The following KIAA0586 variants were observed in gnomAD, a reference collection of about 807,000 sequenced individuals.
The protein encoded by KIAA0586 is KIAA0586, also known as protein TALPID3.
Under a neutral mutation model 169.8 loss-of-function variants are expected in KIAA0586, and 144 were observed. That is an observed-to-expected ratio of 0.85 (90% CI 0.74 to 0.97). The LOEUF is 0.97. KIAA0586 is among the 50% of genes least tolerant of loss of function. KIAA0586 has a pLI of 0.00. For missense variants in KIAA0586, 1,854 were observed against 1,823.0 expected (o/e 1.02, Z -0.31); for synonymous variants, 625 against 612.4 (o/e 1.02, Z -0.30).
intron 29 of KIAA0586, among the ~76,000 whole-genome samples, chr14:58,533,466 C>A (rs1416565363): frequency 6.6e-6 from 1 of 152,164 alleles, no homozygotes; most frequent in African/African-American, 2.4e-5. Flanking sequence ...ATGGCTGTTT[C>A]TTGTTTGCAT....
rs184363834 is a variant in KIAA0586, at chr14:58,508,737, A to C, written c.4323+28A>C. On this transcript the variant is annotated intron_variant, in intron 28 of 30. Transcript: ENST00000652326. ...ACCAAATTAATAGCACTTGTATTTT[A>C]CTTAAAATGAGAATTGAAACACTGT... 1.9e-6 allele frequency: 3 copies of C among 1,541,426 alleles called. No homozygotes were observed. The Admixed American group carries it at 5.8e-5, about 30-fold the overall frequency.
chr14:58,521,727 G>A lies in KIAA0586; in HGVS notation c.4429+9100G>A, dbSNP rs966661856. On this transcript the variant is annotated intron_variant, in intron 29 of 30. Coordinates refer to ENST00000652326, the MANE Select transcript of KIAA0586 (RefSeq NM_001329943.3). ...CTCTTAGAAAACCTAGAAGAAAATT[G>A]AAAAGGAACAGGGGAAACAAGCAGT... The A allele has an allele frequency of 8.3e-6, 7 of 846,720 alleles. No individual in the cohort carries two copies. In the African/African-American group the frequency reaches 1.2e-4, roughly 14 times the overall value. The allele number at this position is 846,720 out of a possible 1,614,324, so 52.5% of individuals were successfully genotyped here.
intron 26 of KIAA0586, among the ~76,000 whole-genome samples, chr14:58,494,763 A>T (rs2043054170): frequency 6.6e-6 from 1 of 152,132 alleles, no homozygotes; most frequent in African/African-American, 2.4e-5. Context: ...AGGTGAAGGA[A>T]TGATGCCCAC....
At chr14:58,544,224 A>G (rs1463392387) in intron 30 of KIAA0586, among the ~76,000 whole-genome samples, 1 of 152,126 alleles carries the variant, frequency 6.6e-6, no homozygotes, top group Non-Finnish European at 1.5e-5. Flanking sequence ...GCTGCATGGT[A>G]TTCCTTGGTA....
chr14:58,466,417 A>G (rs2040780454), intron 15 of KIAA0586, among the ~76,000 whole-genome samples: 1 of 152,172 alleles, frequency 6.6e-6, no homozygotes. Flanking sequence ...GGTATGTTAT[A>G]TTATTGTAGA....
At chr14:58,559,828 A>G in the KIAA0586 span, among the ~76,000 whole-genome samples, 1 of 152,110 alleles carries the variant, frequency 6.6e-6, no homozygotes, top group African/African-American at 2.4e-5. Context: ...AGTGGTTCCA[A>G]ATCTGGCTGT....
At chr14:58,471,018 A>AT (rs1406436084) in intron 17 of KIAA0586, among the ~76,000 whole-genome samples, 2 of 151,898 alleles carry the variant, frequency 1.3e-5, no homozygotes, top group African/African-American at 4.8e-5. Context: ...CGCCCGGCTA[A>AT]TTTTTGTATT....
intron 4 of KIAA0586, among the ~76,000 whole-genome samples, chr14:58,438,266 G>A (rs2038006310): frequency 6.6e-6 from 1 of 152,100 alleles, no homozygotes; most frequent in South Asian, 2.1e-4. Context: ...ATTTATTAAT[G>A]TAATAATTGG....
At chr14:58,444,468 G>A (rs1325154351) in intron 6 of KIAA0586, among the ~76,000 whole-genome samples, 1 of 151,918 alleles carries the variant, frequency 6.6e-6, no homozygotes, top group African/African-American at 2.4e-5. Context: ...TGGTTGCCCA[G>A]GCTGAAGTAC....
intron 15 of KIAA0586, among the ~76,000 whole-genome samples, chr14:58,466,816 G>A (rs1461863376): frequency 6.6e-6 from 1 of 152,192 alleles, no homozygotes; most frequent in Non-Finnish European, 1.5e-5. Flanking sequence ...TGTCTTTGGG[G>A]AAGTATTAAG....
intron 14 of KIAA0586, among the ~76,000 whole-genome samples, chr14:58,462,109 G>C (rs953328565): frequency 6.6e-6 from 1 of 152,240 alleles, no homozygotes; most frequent in Non-Finnish European, 1.5e-5. Context: ...GCTTTCTAAA[G>C]GTTATGCAAT....
At chr14:58,445,599 A>G (rs565713661) in intron 6 of KIAA0586, among the ~76,000 whole-genome samples, 2 of 151,704 alleles carry the variant, frequency 1.3e-5, no homozygotes, top group African/African-American at 4.8e-5. Context: ...ATGCCCAGCT[A>G]ATTTTTGTAT....
chr14:58,555,125 C>CAG (rs2047235389), downstream of KIAA0586, among the ~76,000 whole-genome samples: 2 of 105,316 alleles, frequency 1.9e-5, no homozygotes. Context: ...TTTTTTGAGA[C>CAG]AGTCTTGCTC....
chr14:58,439,031 G>A (rs901354039), intron 4 of KIAA0586, among the ~76,000 whole-genome samples: 2 of 152,208 alleles, frequency 1.3e-5, no homozygotes, highest in Non-Finnish European at 2.9e-5. Flanking sequence ...ACGGTTGAGA[G>A]AGAGAAGTGA....
At position 58,498,914 on chromosome 14, in the gene KIAA0586, A is replaced by G. The variant is rs773856581; in HGVS notation, c.4122A>G (p.Gln1374=). The G allele has an allele frequency of 7.4e-6, 12 of 1,610,918 alleles. No individual in the cohort carries two copies. The highest frequency in any genetic ancestry group is 9.3e-6 in the Non-Finnish European group (11 of 1,178,678). Residue 1374 remains glutamine (Q), a synonymous_variant, in exon 27 of 31, where the codon CAA becomes CAG. Transcript: ENST00000652326. ...PPVTNTQSLD[Q]QCDPKPLSRQ... Reference sequence around the variant, plus strand: ...TCACTAATACACAGTCTTTGGATCAACAATGTGATCCTAAACCATTATCTC... The same window carrying G: ...TCACTAATACACAGTCTTTGGATCAGCAATGTGATCCTAAACCATTATCTC...
intron 8 of KIAA0586, among the ~76,000 whole-genome samples, chr14:58,451,714 C>T (rs762130835): frequency 1.3e-5 from 2 of 152,048 alleles, no homozygotes; most frequent in Admixed American, 1.3e-4. Flanking sequence ...GATGAAGTCT[C>T]GCTCTGTCAC....
At chr14:58,474,537 C>A in intron 18 of KIAA0586, 70 bp from the exon 19 acceptor site, 1 of 1,047,594 alleles carries the variant, frequency 9.5e-7, no homozygotes, top group Non-Finnish European at 1.3e-6. Flanking sequence ...TAGTTCCTTG[C>A]CTATAGTTGG....
chr14:58,536,226 T>C (rs1370024599), intron 29 of KIAA0586, among the ~76,000 whole-genome samples: 1 of 152,186 alleles, frequency 6.6e-6, no homozygotes, highest in African/African-American at 2.4e-5. Flanking sequence ...ATTGTGGGGA[T>C]TGGGCTTCTA....
chr14:58,453,934 A>C (rs1260569030), intron 9 of KIAA0586, among the ~76,000 whole-genome samples: 1 of 152,146 alleles, frequency 6.6e-6, no homozygotes, highest in Non-Finnish European at 1.5e-5. Flanking sequence ...TGATAATTAT[A>C]TTTATCTTCA....
Sources: allele counts gnomAD v4.1 joint callset (sites outside exome capture counted in the v4.1 genomes callset), GRCh38; gene constraint gnomAD v4.1.1; transcripts MANE v1.5; gene names NCBI Gene and HGNC (gene_info 2026-07-23, HGNC 2026-07-21).